The following RNF17 variants were observed in gnomAD, a reference collection of about 807,000 sequenced individuals.
The protein encoded by RNF17 is ring finger protein 17, also known as spermatogenesis associated 23.
A neutral mutation model predicts 200.5 loss-of-function variants in RNF17; 31 were observed. The observed-to-expected ratio is 0.15, with a 90% CI of 0.12 to 0.21. The LOEUF (loss-of-function observed/expected upper bound fraction) is 0.21. Among genes scored for constraint, RNF17 ranks in the 10% least tolerant of loss-of-function variants. RNF17 has a pLI of 1.00. For synonymous variants in RNF17, 606 were observed against 637.8 expected (o/e 0.95, Z 0.75); for missense variants, 1,628 against 1,905.1 (o/e 0.85, Z 2.71).
chr13:24,809,630 C>T (rs1013955942), intron 15 of RNF17, among the ~76,000 whole-genome samples: 7 of 151,900 alleles, frequency 4.6e-5, no homozygotes, highest in Non-Finnish European at 7.4e-5. Context: ...TTTTTTGTGT[C>T]TCTATTTCCT....
At chr13:24,753,551 A>C in the RNF17 span, among the ~76,000 whole-genome samples, 1 of 152,168 alleles carries the variant, frequency 6.6e-6, no homozygotes, top group Non-Finnish European at 1.5e-5. Flanking sequence ...CAAGGAGTTG[A>C]GGAAGAGAGA....
chr13:24,802,674 A>T, intron 14 of RNF17, 103 bp downstream of exon 14: 1 of 812,292 alleles, frequency 1.2e-6, no homozygotes, highest in Non-Finnish European at 1.9e-6. Context: ...AAACCTTAAC[A>T]TACCTGAAGA....
chr13:24,794,986 C>T (rs1428814812), intron 10 of RNF17, among the ~76,000 whole-genome samples: 2 of 152,102 alleles, frequency 1.3e-5, no homozygotes, highest in African/African-American at 2.4e-5. Context: ...CCCAAAGTGC[C>T]GGGATTATAG....
chr13:24,842,201 T>G (rs762367007), intron 19 of RNF17, 40 bp downstream of exon 19: 2 of 1,526,660 alleles, frequency 1.3e-6, no homozygotes, highest in Non-Finnish European at 1.8e-6. Context: ...GTTCATGTTC[T>G]TATGTAACAT....
chr13:24,884,156 T>C, downstream of RNF17: 1 of 1,614,052 alleles, frequency 6.2e-7, no homozygotes, highest in Non-Finnish European at 8.5e-7. Context: ...GGAGCAAGTT[T>C]GTACCTATTT....
intron 31 of RNF17, among the ~76,000 whole-genome samples, chr13:24,869,510 C>G (rs1463996962): frequency 6.6e-6 from 1 of 152,200 alleles, no homozygotes. Context: ...GAGTTAAGCA[C>G]TCTAGCTCAG....
chr13:24,867,450 T>G (rs2138374069), intron 30 of RNF17, among the ~76,000 whole-genome samples: 1 of 152,354 alleles, frequency 6.6e-6, no homozygotes, highest in Admixed American at 6.5e-5. Context: ...TTTTAGTACA[T>G]AAACCTTTGT....
At chr13:24,778,960 G>A (rs1222106433) in intron 4 of RNF17, among the ~76,000 whole-genome samples, 1 of 152,170 alleles carries the variant, frequency 6.6e-6, no homozygotes, top group Non-Finnish European at 1.5e-5. Context: ...AGACCAAGAT[G>A]GGTAGATCAC....
At chr13:24,824,301 C>T in intron 15 of RNF17, 1 of 658,918 alleles carries the variant, frequency 1.5e-6, no homozygotes. Flanking sequence ...GGCGTCATTC[C>T]TCTGCTGAAT....
chr13:24,872,284 AT>A, intron 32 of RNF17, among the ~76,000 whole-genome samples: 1 of 152,236 alleles, frequency 6.6e-6, no homozygotes, highest in South Asian at 2.1e-4. Context: ...TATGCAAGAA[AT>A]TGTCTATAAC....
At chr13:24,785,075 T>C (rs1279183199) in intron 6 of RNF17, among the ~76,000 whole-genome samples, 2 of 152,190 alleles carry the variant, frequency 1.3e-5, no homozygotes, top group Non-Finnish European at 2.9e-5. Context: ...GCTTTCATTT[T>C]TCTTTGTTGT....
intron 32 of RNF17, among the ~76,000 whole-genome samples, chr13:24,872,992 A>G (rs181640016): frequency 6.6e-6 from 1 of 152,328 alleles, no homozygotes; most frequent in East Asian, 1.9e-4. Flanking sequence ...AGAAGCCTGT[A>G]CATTGTAATA....
At chr13:24,834,088 AT>A (rs898869933) in intron 18 of RNF17, among the ~76,000 whole-genome samples, 6 of 150,276 alleles carry the variant, frequency 4.0e-5, no homozygotes, top group African/African-American at 1.5e-4. Flanking sequence ...GTAGCCAGGA[AT>A]TTTTTTTTTC....
chr13:24,821,488 G>C (rs973524084), intron 15 of RNF17, among the ~76,000 whole-genome samples: 2 of 152,026 alleles, frequency 1.3e-5, no homozygotes, highest in African/African-American at 4.8e-5. Flanking sequence ...TAATGTCTCT[G>C]TTGGTTCACT....
the RNF17 span, among the ~76,000 whole-genome samples, chr13:24,886,955 G>C: frequency 6.6e-6 from 1 of 152,150 alleles, no homozygotes; most frequent in Non-Finnish European, 1.5e-5. Flanking sequence ...AGAGGTGACC[G>C]TGGGCATAGA....
chr13:24,809,619 G>GT (rs1566163627), intron 15 of RNF17, among the ~76,000 whole-genome samples: 1 of 151,862 alleles, frequency 6.6e-6, no homozygotes, highest in Admixed American at 6.6e-5. Flanking sequence ...TTTTTGAAGG[G>GT]TTTTTTGTGT....
At chr13:24,764,888 G>GGGGGGGGGTGT (rs899352115) in intron 1 of RNF17, among the ~76,000 whole-genome samples, 1 of 134,092 alleles carries the variant, frequency 7.5e-6, no homozygotes, top group East Asian at 2.0e-4. Flanking sequence ...CACCTTGTGG[G>GGGGGGGGGTGT]GTGTGTGTGT....
chr13:24,879,040 TAC>T (rs1228299650), intron 34 of RNF17, 145 bp from the exon 35 acceptor site: 1 of 605,012 alleles, frequency 1.7e-6, no homozygotes, highest in African/African-American at 1.9e-5. Context: ...AGGAAACCAC[TAC>T]AGATGCCTTT....
At chr13:24,860,295 A>T (rs182826886) in intron 26 of RNF17, among the ~76,000 whole-genome samples, 5 of 152,200 alleles carry the variant, frequency 3.3e-5, no homozygotes, top group African/African-American at 7.2e-5. Flanking sequence ...GAACTTTTAT[A>T]AAAATTCTCA....
Sources: allele counts gnomAD v4.1 joint callset (sites outside exome capture counted in the v4.1 genomes callset), GRCh38; gene constraint gnomAD v4.1.1; transcripts MANE v1.5; gene names NCBI Gene and HGNC (gene_info 2026-07-23, HGNC 2026-07-21).